Variants in GRIN2A observed in about 807,000 individuals in gnomAD.
The protein encoded by GRIN2A is glutamate ionotropic receptor NMDA type subunit 2A.
A neutral mutation model predicts 113.4 loss-of-function variants in GRIN2A; 22 were observed. The ratio of observed to expected loss-of-function variants is 0.19; its 90% CI spans 0.14 to 0.28. The LOEUF is 0.28. Among genes scored for constraint, GRIN2A ranks in the 10% least tolerant of loss-of-function variants. The pLI, the probability that GRIN2A is intolerant of heterozygous loss-of-function variation, is 1.00. For synonymous variants in GRIN2A, 827 were observed against 738.4 expected (o/e 1.12, Z -1.94); for missense variants, 1,502 against 1,887.0 (o/e 0.80, Z 3.78).
intron 2 of GRIN2A, among the ~76,000 whole-genome samples, chr16:10,089,593 G>T (rs184194707): frequency 7.2e-5 from 11 of 152,240 alleles, no homozygotes; most frequent in Non-Finnish European, 1.3e-4. Flanking sequence ...GGGTATGTGT[G>T]CTTCTTTCCG....
At chr16:9,935,940 G>A (rs1271846442) in intron 3 of GRIN2A, among the ~76,000 whole-genome samples, 5 of 152,018 alleles carry the variant, frequency 3.3e-5, no homozygotes, top group Non-Finnish European at 4.4e-5. Context: ...GGCCTCCAGC[G>A]ATCCACCCAC....
chr16:9,788,141 A>T (rs1036388978), intron 11 of GRIN2A, among the ~76,000 whole-genome samples: 7 of 152,096 alleles, frequency 4.6e-5, no homozygotes, highest in African/African-American at 1.4e-4. Flanking sequence ...CTGAACTATC[A>T]CTTAGCAAAC....
chr16:10,039,795 A>AGGGGGG (rs1231955339), intron 2 of GRIN2A, among the ~76,000 whole-genome samples: 1 of 8,920 alleles, frequency 1.1e-4, no homozygotes, highest in African/African-American at 5.5e-4. Flanking sequence ...GGGGAGGGGG[A>AGGGGGG]GGGGGAGGGG....
At chr16:10,100,277 T>G (rs764921338) in intron 2 of GRIN2A, among the ~76,000 whole-genome samples, 1 of 152,100 alleles carries the variant, frequency 6.6e-6, no homozygotes, top group Non-Finnish European at 1.5e-5. Flanking sequence ...CATGATCGGG[T>G]TTGCATTTTG....
intron 10 of GRIN2A, among the ~76,000 whole-genome samples, chr16:9,821,162 A>G (rs1048887820): frequency 1.3e-5 from 2 of 152,170 alleles, no homozygotes; most frequent in Non-Finnish European, 1.5e-5. Context: ...AGCCACAAGG[A>G]GAATGCACCT....
At chr16:9,847,027 C>G (rs2042784900) in intron 5 of GRIN2A, among the ~76,000 whole-genome samples, 1 of 152,142 alleles carries the variant, frequency 6.6e-6, no homozygotes. Context: ...GGAGAAATGA[C>G]ACAGATGCAG....
chr16:10,052,315 C>G (rs1215970439), intron 2 of GRIN2A, among the ~76,000 whole-genome samples: 1 of 152,222 alleles, frequency 6.6e-6, no homozygotes, highest in Middle Eastern at 3.2e-3. Flanking sequence ...GATGTGCTAT[C>G]ATCACTTCAC....
At chr16:10,044,007 G>GTATATATATATATATATATATA (rs368522556) in intron 2 of GRIN2A, among the ~76,000 whole-genome samples, 1 of 116,940 alleles carries the variant, frequency 8.6e-6, no homozygotes, top group Non-Finnish European at 1.7e-5. Flanking sequence ...GTGTGTGTGT[G>GTATATATATATATATATATATA]TATATATATA....
At chr16:9,878,812 A>G (rs1285914946) in intron 4 of GRIN2A, among the ~76,000 whole-genome samples, 3 of 151,748 alleles carry the variant, frequency 2.0e-5, no homozygotes, top group Non-Finnish European at 4.4e-5. Flanking sequence ...TACAACTGCA[A>G]CAACAACAAC....
intron 11 of GRIN2A, among the ~76,000 whole-genome samples, chr16:9,782,263 T>C (rs1901982451): frequency 6.6e-6 from 1 of 152,200 alleles, no homozygotes; most frequent in Non-Finnish European, 1.5e-5. Context: ...CGCATTTATA[T>C]TGCATTAGGT....
chr16:10,007,579 G>A (rs1189842019), intron 2 of GRIN2A, among the ~76,000 whole-genome samples: 1 of 152,066 alleles, frequency 6.6e-6, no homozygotes, highest in Non-Finnish European at 1.5e-5. Flanking sequence ...CATTCTTTGG[G>A]TTGTCTCTTC....
At chr16:10,051,843 G>A (rs1038050178) in intron 2 of GRIN2A, among the ~76,000 whole-genome samples, 7 of 152,208 alleles carry the variant, frequency 4.6e-5, no homozygotes, top group African/African-American at 1.7e-4. Context: ...TCAGCCACAG[G>A]AGCCAGCTCA....
intron 11 of GRIN2A, among the ~76,000 whole-genome samples, chr16:9,770,084 G>A (rs1396913445): frequency 6.6e-6 from 1 of 152,110 alleles, no homozygotes; most frequent in Non-Finnish European, 1.5e-5. Flanking sequence ...TCTTTTATGT[G>A]CATTTTATCC....
At chr16:9,781,536 T>A (rs1901935540) in intron 11 of GRIN2A, among the ~76,000 whole-genome samples, 1 of 152,134 alleles carries the variant, frequency 6.6e-6, no homozygotes, top group Non-Finnish European at 1.5e-5. Flanking sequence ...AATGTCTTTA[T>A]TTTTTGTAGA....
At chr16:10,106,932 C>T (rs972881396) in intron 2 of GRIN2A, among the ~76,000 whole-genome samples, 1 of 152,118 alleles carries the variant, frequency 6.6e-6, no homozygotes, top group Admixed American at 6.5e-5. Context: ...GCCATTACCT[C>T]CATTTTCAGA....
intron 5 of GRIN2A, among the ~76,000 whole-genome samples, chr16:9,841,554 T>C (rs1191108197): frequency 6.6e-6 from 1 of 152,178 alleles, no homozygotes; most frequent in Non-Finnish European, 1.5e-5. Flanking sequence ...TGTGAAATTC[T>C]CAGAGAAAGC....
chr16:9,899,532 T>C (rs1596557167), intron 3 of GRIN2A, among the ~76,000 whole-genome samples: 3 of 127,216 alleles, frequency 2.4e-5, no homozygotes, highest in South Asian at 2.5e-4. Context: ...AACCACAACA[T>C]AAAGAAACAG....
intron 2 of GRIN2A, among the ~76,000 whole-genome samples, chr16:10,107,096 G>T (rs1370556744): frequency 1.3e-5 from 2 of 152,164 alleles, no homozygotes; most frequent in Non-Finnish European, 2.9e-5. Context: ...GAAATGGAGG[G>T]CTAGGATGAT....
chr16:9,967,017 G>A (rs567004501), intron 2 of GRIN2A, among the ~76,000 whole-genome samples: 22 of 152,238 alleles, frequency 1.4e-4, no homozygotes, highest in African/African-American at 5.1e-4. Context: ...AAGTTCTCAC[G>A]ATGAAATTCT....
Sources: gnomAD v4.1 joint callset for allele counts (sites outside exome capture counted in the v4.1 genomes callset) on GRCh38, gnomAD v4.1.1 for gene constraint, MANE v1.5 for transcripts, NCBI Gene and HGNC (gene_info 2026-07-23, HGNC 2026-07-21) for gene names.